The following B4GALNT3 variants were observed in gnomAD, a reference collection of about 807,000 sequenced individuals.
B4GALNT3 encodes beta-1,4-N-acetylgalactosaminyltransferase 3.
A neutral mutation model predicts 120.2 loss-of-function variants in B4GALNT3; 86 were observed. That is an observed-to-expected ratio of 0.72 (90% CI 0.60 to 0.86). The LOEUF (loss-of-function observed/expected upper bound fraction) is 0.86, where lower values mean the gene tolerates loss of function less well. Among genes scored for constraint, B4GALNT3 ranks in the 40% least tolerant of loss-of-function variants. The pLI is 0.00. For synonymous variants in B4GALNT3, 518 were observed against 510.4 expected, an observed-to-expected ratio of 1.01 and a Z score of -0.20; for missense variants, 1,167 against 1,298.9, an observed-to-expected ratio of 0.90 and a Z score of 1.56.
At chr12:471,706 C>A in intron 1 of B4GALNT3, among the ~76,000 whole-genome samples, 1 of 129,186 alleles carries the variant, frequency 7.7e-6, no homozygotes. Flanking sequence ...GACTCTGTCT[C>A]AAAATAATAA....
At chr12:486,630 C>T (rs938745997) in intron 1 of B4GALNT3, among the ~76,000 whole-genome samples, 48 of 152,296 alleles carry the variant, frequency 3.2e-4, no homozygotes, top group African/African-American at 1.1e-3. Context: ...CATCCTGTCC[C>T]ATCTAGAGTG....
intron 1 of B4GALNT3, among the ~76,000 whole-genome samples, chr12:504,684 C>G (rs2120549961): frequency 6.6e-6 from 1 of 152,166 alleles, no homozygotes; most frequent in East Asian, 1.9e-4. Flanking sequence ...TGCACTCCAG[C>G]CTGAGCAACA....
intron 1 of B4GALNT3, among the ~76,000 whole-genome samples, chr12:510,447 G>T (rs367667505): frequency 6.6e-6 from 1 of 151,082 alleles, no homozygotes; most frequent in Non-Finnish European, 1.5e-5. Flanking sequence ...CACTCCATGG[G>T]GGGGTTGGAC....
intron 5 of B4GALNT3, 106 bp downstream of exon 5, chr12:545,078 A>C: frequency 6.7e-7 from 1 of 1,488,948 alleles, no homozygotes; most frequent in Non-Finnish European, 9.0e-7. Context: ...ACTTCCTGTT[A>C]GTCCACCCTC....
intron 1 of B4GALNT3, among the ~76,000 whole-genome samples, chr12:501,961 G>C (rs1027274575): frequency 3.6e-4 from 55 of 152,194 alleles, no homozygotes; most frequent in Admixed American, 3.9e-4. Context: ...CCATGAGTGG[G>C]CCTGGGCCAG....
chr12:493,036 A>T (rs7138646), intron 1 of B4GALNT3, among the ~76,000 whole-genome samples: 13,046 of 152,284 alleles, frequency 0.086, 673 homozygotes, highest in East Asian at 0.21. Flanking sequence ...TATGCCAGTG[A>T]CTTTAGATTT....
At chr12:544,033 G>A (rs1946956834) in intron 3 of B4GALNT3, among the ~76,000 whole-genome samples, 1 of 135,516 alleles carries the variant, frequency 7.4e-6, no homozygotes. Flanking sequence ...CTGAGGAGCT[G>A]GGGCGGGCAT....
At chr12:485,744 A>G (rs1946284712) in intron 1 of B4GALNT3, among the ~76,000 whole-genome samples, 1 of 152,188 alleles carries the variant, frequency 6.6e-6, no homozygotes, top group South Asian at 2.1e-4. Context: ...TAAAAAGTTG[A>G]TTTTTAAACC....
intron 1 of B4GALNT3, among the ~76,000 whole-genome samples, chr12:485,824 A>C (rs1422228801): frequency 6.6e-6 from 1 of 152,202 alleles, no homozygotes; most frequent in East Asian, 1.9e-4. Context: ...ACAAGTAAAG[A>C]GCTGAACAGA....
intron 1 of B4GALNT3, among the ~76,000 whole-genome samples, chr12:485,986 G>A (rs915564959): frequency 1.3e-5 from 2 of 152,260 alleles, no homozygotes; most frequent in Middle Eastern, 3.4e-3. Context: ...AGAAACCAGT[G>A]TCTAGGCAGG....
intron 1 of B4GALNT3, 96 bp from the exon 2 acceptor site, chr12:535,065 AGAAGG>A (rs1946844486): frequency 1.1e-6 from 1 of 916,684 alleles, no homozygotes; most frequent in Admixed American, 2.4e-5. Context: ...AAGAGAGGTG[AGAAGG>A]GAAGACGGTT....
rs756042578 is a variant in B4GALNT3, at chr12:545,022, A to G, written c.538+50A>G. The G allele has an allele frequency of 8.8e-6, 14 of 1,596,242 alleles. No individual in the cohort carries two copies. The East Asian group carries it at 1.1e-4, about 13-fold the overall frequency. ...CCTTCTTCCTGCTCTAGAGTTCTGC[A>G]TCGGACCCAAAGAACATAAGATAAG... is the stretch of plus-strand genomic sequence containing the variant. On this transcript the variant is annotated intron_variant, in intron 5 of 19. Transcript: ENST00000266383.
intron 1 of B4GALNT3, among the ~76,000 whole-genome samples, chr12:513,857 C>A (rs894575964): frequency 6.6e-6 from 1 of 152,184 alleles, no homozygotes. Flanking sequence ...CCAAAGCATG[C>A]GGATTACAGG....
intron 1 of B4GALNT3, among the ~76,000 whole-genome samples, chr12:470,442 G>A (rs1004612457): frequency 6.6e-5 from 10 of 152,378 alleles, no homozygotes; most frequent in Admixed American, 4.6e-4. Flanking sequence ...AGCTGGTCCC[G>A]ACTGCTCACC....
intron 1 of B4GALNT3, among the ~76,000 whole-genome samples, chr12:495,505 G>A (rs1442815729): frequency 5.3e-5 from 8 of 152,300 alleles, no homozygotes; most frequent in African/African-American, 1.7e-4. Context: ...TTACCTCTAA[G>A]GTTGCCTCCT....
chr12:551,303 G>A (rs548753456), intron 11 of B4GALNT3, among the ~76,000 whole-genome samples: 1 of 152,328 alleles, frequency 6.6e-6, no homozygotes, highest in East Asian at 1.9e-4. Flanking sequence ...GATATCAGGT[G>A]GCCTGGCTGA....
At chr12:507,907 G>A (rs367907973) in intron 1 of B4GALNT3, among the ~76,000 whole-genome samples, 145 of 108,980 alleles carry the variant, frequency 1.3e-3, no homozygotes, top group African/African-American at 4.1e-3. Flanking sequence ...TCCAGTAGTA[G>A]CTTGGTGGAC....
rs1565584236 is a variant in B4GALNT3, at chr12:460,546, G to A, written c.169+1G>A. 1 of 1,491,102 alleles carries A rather than the reference G, an allele frequency of 6.7e-7. No individual in the cohort carries two copies. 92.4% of individuals were successfully genotyped at this position (1,491,102 alleles called of 1,614,324 possible). A position where few individuals can be genotyped will look rare whatever the true frequency, so the allele number is the denominator to read the frequency against. On this transcript the variant is annotated splice_donor_variant, in intron 1 of 19. Transcript: ENST00000266383. LOFTEE classifies it high-confidence loss of function. This position sits in a 1 kb window ranked among gnomAD's most constrained non-coding sequence, Gnocchi z 8.0. ...GTCGGCGGGAACCCCCTGAACCGGA[G>A]TAAGTAGCACCCAGGGGAGGCGAAG... is the stretch of plus-strand genomic sequence containing the variant.
rs1376974332 is a variant in B4GALNT3, at chr12:546,667, C to T, written c.661C>T (p.Pro221Ser). 7.7e-6 allele frequency: 12 copies of T among 1,551,470 alleles called. No homozygotes were observed. Among genetic ancestry groups the T allele is most frequent in the Non-Finnish European group, 9.6e-6 (11 of 1,146,916 alleles). Residue 221 changes from proline to serine, a missense_variant, in exon 7 of 20, where the codon CCG (proline) becomes TCG (serine). Physicochemically the swap from Pro to Ser is moderately conservative, Grantham distance 74. This residue lies in a region of B4GALNT3 where 983 missense variants were observed against 1,102.5 expected (regional missense o/e 0.89). Coordinates refer to ENST00000266383, the MANE Select transcript of B4GALNT3 (RefSeq NM_173593.4). ...VGKTGKEWTA[P>S]GEFGKFRSQI... ...CTAGACTGGAAAGGAGTGGACCGCC[C>T]CGGGAGAGTTTGGGAAATTTCGGAG...
Sources: allele counts gnomAD v4.1 joint callset (sites outside exome capture counted in the v4.1 genomes callset), GRCh38; gene constraint gnomAD v4.1.1; regional missense constraint gnomAD v4.1.1; non-coding constraint Gnocchi (gnomAD v3.1); transcripts MANE v1.5; gene names NCBI Gene and HGNC (gene_info 2026-07-23, HGNC 2026-07-21).